Variants in BCKDHB observed in about 807,000 individuals in gnomAD.
The protein encoded by BCKDHB is 2-oxoisovalerate dehydrogenase subunit beta, mitochondrial.
A neutral mutation model predicts 48.5 loss-of-function variants in BCKDHB; 41 were observed. The observed-to-expected ratio is 0.85, with a 90% CI of 0.66 to 1.10. BCKDHB has a LOEUF of 1.10. BCKDHB is among the 50% of genes least tolerant of loss of function. The pLI is 0.00. For synonymous variants in BCKDHB, 201 were observed against 174.8 expected (o/e 1.15, Z -1.18); for missense variants, 496 against 494.2 (o/e 1.00, Z -0.03).
At chr6:80,188,125 C>T (rs1773730458) in intron 6 of BCKDHB, among the ~76,000 whole-genome samples, 1 of 152,080 alleles carries the variant, frequency 6.6e-6, no homozygotes. Context: ...AGTATATATA[C>T]ACCATGGAAA....
chr6:80,113,132 A>G (rs1428693461), intron 1 of BCKDHB, among the ~76,000 whole-genome samples: 2 of 152,256 alleles, frequency 1.3e-5, no homozygotes, highest in African/African-American at 2.4e-5. Context: ...AGAATTTAAC[A>G]TAAGAAAACA....
chr6:80,175,059 G>A (rs1427731196), intron 6 of BCKDHB, among the ~76,000 whole-genome samples: 2 of 152,116 alleles, frequency 1.3e-5, no homozygotes, highest in African/African-American at 2.4e-5. Flanking sequence ...GCAGTCCAGG[G>A]CTAGTGTGAT....
At chr6:80,407,709 C>T in the BCKDHB span, among the ~76,000 whole-genome samples, 1 of 152,054 alleles carries the variant, frequency 6.6e-6, no homozygotes, top group Non-Finnish European at 1.5e-5. Context: ...GATTTTGTAT[C>T]CTGAGACTTT....
In BCKDHB at chr6:80,296,655, T is replaced by C. The variant is rs1037547265; in HGVS notation, c.1038+23434T>C. On this transcript the variant is annotated intron_variant, in intron 9 of 9. Transcript: ENST00000320393. ...CATAAACCTTTTATAACCCTTTACA[T>C]TTTTTTTTAATGAGCAGATCAGTGC... is the stretch of plus-strand genomic sequence containing the variant. Among the ~76,000 whole-genome samples the C allele has an allele frequency of 4.0e-5, 6 of 149,582 alleles. No individual in the cohort carries two copies. In the East Asian group the frequency reaches 1.2e-3, roughly 29 times the overall value.
the BCKDHB span, among the ~76,000 whole-genome samples, chr6:80,355,253 A>G: frequency 6.6e-6 from 1 of 152,148 alleles, no homozygotes; most frequent in East Asian, 1.9e-4. Context: ...CACAAAAATT[A>G]ACTGGGCATG....
At chr6:80,327,388 T>C (rs117653092) in intron 9 of BCKDHB, among the ~76,000 whole-genome samples, 483 of 152,324 alleles carry the variant, frequency 3.2e-3, no homozygotes, top group Non-Finnish European at 5.1e-3. Flanking sequence ...ACATTTTGCT[T>C]TTGCACCATT....
the BCKDHB span, among the ~76,000 whole-genome samples, chr6:80,360,053 CT>C: frequency 3.3e-5 from 5 of 152,112 alleles, no homozygotes; most frequent in Non-Finnish European, 7.3e-5. Context: ...TGATTTTTAA[CT>C]GTTAAAATGG....
chr6:80,196,924 A>G (rs186556986), intron 6 of BCKDHB, among the ~76,000 whole-genome samples: 7 of 152,256 alleles, frequency 4.6e-5, no homozygotes, highest in Admixed American at 3.3e-4. Context: ...CCTTGAAAAG[A>G]TTTCTTATTT....
intron 1 of BCKDHB, among the ~76,000 whole-genome samples, chr6:80,114,174 C>T (rs896164549): frequency 4.6e-5 from 7 of 151,936 alleles, no homozygotes; most frequent in East Asian, 1.9e-4. Flanking sequence ...CTTAGGTTCC[C>T]TGCCTCCAGA....
At chr6:80,194,159 A>G (rs945703542) in intron 6 of BCKDHB, among the ~76,000 whole-genome samples, 2 of 152,266 alleles carry the variant, frequency 1.3e-5, no homozygotes, top group African/African-American at 2.4e-5. Flanking sequence ...TTATATCACA[A>G]CTTATTTTCC....
chr6:80,405,757 C>T, the BCKDHB span, among the ~76,000 whole-genome samples: 1 of 152,066 alleles, frequency 6.6e-6, no homozygotes, highest in Non-Finnish European at 1.5e-5. Context: ...GTTACAGCAG[C>T]TTATTTTAGG....
intron 3 of BCKDHB, among the ~76,000 whole-genome samples, chr6:80,155,839 G>GTTTT (rs377189940): frequency 9.1e-6 from 1 of 110,086 alleles, no homozygotes. Context: ...ATGCAAAGTT[G>GTTTT]TTTTTTTTTT....
chr6:80,295,285 A>C (rs995889819), intron 9 of BCKDHB, among the ~76,000 whole-genome samples: 1 of 152,222 alleles, frequency 6.6e-6, no homozygotes, highest in Non-Finnish European at 1.5e-5. Flanking sequence ...GATAAAGGAT[A>C]TAATGGACTT....
At chr6:80,124,548 T>A (rs914681810) in intron 1 of BCKDHB, among the ~76,000 whole-genome samples, 1 of 152,220 alleles carries the variant, frequency 6.6e-6, no homozygotes, top group Non-Finnish European at 1.5e-5. Flanking sequence ...CTCTAAGGAC[T>A]TGCTTTATGA....
chr6:80,228,593 A>AG (rs1775778287), intron 8 of BCKDHB, among the ~76,000 whole-genome samples: 1 of 152,178 alleles, frequency 6.6e-6, no homozygotes, highest in African/African-American at 2.4e-5. Context: ...TTGAAGTGGG[A>AG]GATAGCTAGA....
intron 9 of BCKDHB, among the ~76,000 whole-genome samples, chr6:80,300,155 G>A (rs544802133): frequency 1.1e-4 from 17 of 151,880 alleles, no homozygotes; most frequent in African/African-American, 3.9e-4. Context: ...GAGCCCAGGT[G>A]ATCCTCCCAC....
intron 8 of BCKDHB, among the ~76,000 whole-genome samples, chr6:80,204,177 A>G (rs969844285): frequency 2.0e-5 from 3 of 152,092 alleles, no homozygotes; most frequent in Non-Finnish European, 4.4e-5. Context: ...TGGGTTAGTT[A>G]CATGAAAATA....
intron 3 of BCKDHB, among the ~76,000 whole-genome samples, chr6:80,142,977 A>G (rs912689921): frequency 6.6e-6 from 1 of 152,192 alleles, no homozygotes; most frequent in Non-Finnish European, 1.5e-5. Flanking sequence ...AAAATTAAAA[A>G]GAAATCCAGT....
the BCKDHB span, among the ~76,000 whole-genome samples, chr6:80,380,420 T>C: frequency 1.3e-5 from 2 of 151,932 alleles, no homozygotes; most frequent in Non-Finnish European, 2.9e-5. Context: ...TCTCTTACTA[T>C]ATAAAAAAAT....
Sources: gnomAD v4.1 joint callset for allele counts (sites outside exome capture counted in the v4.1 genomes callset) on GRCh38, gnomAD v4.1.1 for gene constraint, MANE v1.5 for transcripts, NCBI Gene and HGNC (gene_info 2026-07-23, HGNC 2026-07-21) for gene names.